Variants in SLC35F3 observed in about 807,000 individuals in gnomAD.
SLC35F3 encodes putative thiamine transporter SLC35F3.
SLC35F3 carries 25 observed loss-of-function variants against 49.9 expected under a neutral mutation model. The ratio of observed to expected loss-of-function variants is 0.50; its 90% CI spans 0.37 to 0.70. The LOEUF (loss-of-function observed/expected upper bound fraction) is 0.70, where lower values mean the gene tolerates loss of function less well. Ranked by LOEUF, SLC35F3 falls within the 30% of genes least tolerant of loss-of-function variation. SLC35F3 has a pLI of 0.00. For synonymous variants in SLC35F3, 275 were observed against 265.4 expected, an observed-to-expected ratio of 1.04 and a Z score of -0.35; for missense variants, 525 against 639.8, an observed-to-expected ratio of 0.82 and a Z score of 1.94.
In SLC35F3 at chr1:234,276,246, A is replaced by G. The variant is rs115262781; in HGVS notation, c.609-32855A>G. Among the ~76,000 whole-genome samples the G allele has an allele frequency of 8.9e-3, 1,363 of 152,350 alleles. 20 individuals are homozygous for G. The highest frequency in any genetic ancestry group is 0.03 in the African/African-American group (1,264 of 41,580). On this transcript the variant is annotated intron_variant, in intron 3 of 7. Coordinates refer to ENST00000366618, the MANE Select transcript of SLC35F3 (RefSeq NM_173508.4). ...AGCCTCTTCAATTTCAGAAATGCTG[A>G]AATCTAGTATATTTCCGGTCCTCCA... is the stretch of plus-strand genomic sequence containing the variant.
chr1:234,081,043 T>C (rs929495623), intron 2 of SLC35F3, among the ~76,000 whole-genome samples: 1 of 152,226 alleles, frequency 6.6e-6, no homozygotes, highest in African/African-American at 2.4e-5. Context: ...TAGCGACCTC[T>C]TAAAAATTTC....
intron 3 of SLC35F3, among the ~76,000 whole-genome samples, chr1:234,297,073 T>G (rs2102988533): frequency 6.6e-6 from 1 of 152,284 alleles, no homozygotes; most frequent in Admixed American, 6.5e-5. Context: ...CACTAATCAT[T>G]AGTGAAATGC....
At chr1:234,147,084 C>T (rs1666008201) in intron 2 of SLC35F3, among the ~76,000 whole-genome samples, 1 of 152,146 alleles carries the variant, frequency 6.6e-6, no homozygotes, top group Non-Finnish European at 1.5e-5. Context: ...GGTGAGTAAT[C>T]TGCTTTCTTT....
At chr1:234,279,598 T>C (rs769730542) in intron 3 of SLC35F3, among the ~76,000 whole-genome samples, 4 of 152,002 alleles carry the variant, frequency 2.6e-5, no homozygotes, top group Non-Finnish European at 5.9e-5. Flanking sequence ...CCTTCACAGA[T>C]GGTGGGAAGT....
At chr1:234,077,791 C>T (rs1664814784) in intron 2 of SLC35F3, among the ~76,000 whole-genome samples, 1 of 151,940 alleles carries the variant, frequency 6.6e-6, no homozygotes, top group Non-Finnish European at 1.5e-5. Flanking sequence ...CCTCTCAATT[C>T]ACACAGTCTG....
intron 2 of SLC35F3, among the ~76,000 whole-genome samples, chr1:234,199,390 G>A (rs1045343285): frequency 3.3e-5 from 5 of 152,216 alleles, no homozygotes; most frequent in African/African-American, 1.2e-4. Context: ...AATGGGGAAA[G>A]AGCAGTCTCT....
At chr1:234,307,786 CA>C (rs1481221473) in intron 3 of SLC35F3, among the ~76,000 whole-genome samples, 3 of 152,204 alleles carry the variant, frequency 2.0e-5, no homozygotes, top group Non-Finnish European at 4.4e-5. Context: ...TGAGCCTGGA[CA>C]GGGACTTCCA....
intron 2 of SLC35F3, among the ~76,000 whole-genome samples, chr1:233,952,414 CT>C (rs1234413426): frequency 6.6e-6 from 1 of 152,154 alleles, no homozygotes; most frequent in Non-Finnish European, 1.5e-5. Context: ...TCCAATATAG[CT>C]GGAAATTCCT....
chr1:234,196,944 G>GA (rs996241608), intron 2 of SLC35F3, among the ~76,000 whole-genome samples: 9 of 150,614 alleles, frequency 6.0e-5, no homozygotes, highest in Middle Eastern at 3.4e-3. Context: ...TCCATATTGG[G>GA]AAAAAAAAAG....
At chr1:234,184,440 T>A (rs949469468) in intron 2 of SLC35F3, among the ~76,000 whole-genome samples, 1 of 152,196 alleles carries the variant, frequency 6.6e-6, no homozygotes, top group Admixed American at 6.5e-5. Context: ...CCTATGACTT[T>A]AATATTTAGC....
At chr1:234,110,831 C>A (rs956050530) in intron 2 of SLC35F3, among the ~76,000 whole-genome samples, 1 of 152,124 alleles carries the variant, frequency 6.6e-6, no homozygotes, top group Non-Finnish European at 1.5e-5. Context: ...ACAGAAAAAT[C>A]TTTTGCTATA....
intron 4 of SLC35F3, among the ~76,000 whole-genome samples, chr1:234,316,033 A>T (rs1657482779): frequency 4.6e-5 from 7 of 152,216 alleles, no homozygotes; most frequent in Admixed American, 4.6e-4. Context: ...GAAGGAAAGG[A>T]ATAGCACCTC....
At chr1:233,918,624 G>C (rs942487440) in intron 2 of SLC35F3, among the ~76,000 whole-genome samples, 2 of 152,078 alleles carry the variant, frequency 1.3e-5, no homozygotes, top group African/African-American at 4.8e-5. Context: ...AAAATTAGCC[G>C]GGTGTAGTGG....
intron 2 of SLC35F3, among the ~76,000 whole-genome samples, chr1:233,952,553 C>T (rs1662625410): frequency 6.6e-6 from 1 of 152,188 alleles, no homozygotes; most frequent in African/African-American, 2.4e-5. Context: ...GCTTCTTCCT[C>T]CACACAGACT....
chr1:233,948,322 T>A (rs946211006), intron 2 of SLC35F3, among the ~76,000 whole-genome samples: 1 of 151,302 alleles, frequency 6.6e-6, no homozygotes, highest in Non-Finnish European at 1.5e-5. Flanking sequence ...GAAGTCTTAG[T>A]GGGCATTATC....
intron 2 of SLC35F3, among the ~76,000 whole-genome samples, chr1:234,060,181 T>TG (rs1451466911): frequency 2.6e-5 from 4 of 152,222 alleles, no homozygotes; most frequent in Admixed American, 6.5e-5. Flanking sequence ...AGATGTTTTG[T>TG]GTGCACTTGA....
chr1:234,281,088 C>CA (rs915898076), intron 3 of SLC35F3, among the ~76,000 whole-genome samples: 10 of 151,832 alleles, frequency 6.6e-5, no homozygotes, highest in African/African-American at 2.4e-4. Flanking sequence ...GTGTCCCCCC[C>CA]CCATGCTCAA....
At chr1:234,078,713 A>G (rs1572043501) in intron 2 of SLC35F3, among the ~76,000 whole-genome samples, 1 of 152,340 alleles carries the variant, frequency 6.6e-6, no homozygotes, top group East Asian at 1.9e-4. Context: ...AAAATAGGCA[A>G]TTAAGTCCTT....
chr1:234,132,687 G>A (rs1665753151), intron 2 of SLC35F3, among the ~76,000 whole-genome samples: 1 of 150,748 alleles, frequency 6.6e-6, no homozygotes, highest in African/African-American at 2.5e-5. Flanking sequence ...TTTTATTGCA[G>A]TGTTAATTTT....
Sources: allele counts gnomAD v4.1 joint callset (sites outside exome capture counted in the v4.1 genomes callset), GRCh38; gene constraint gnomAD v4.1.1; transcripts MANE v1.5; gene names NCBI Gene and HGNC (gene_info 2026-07-23, HGNC 2026-07-21).